The following COL14A1 variants were observed in gnomAD, a reference collection of about 807,000 sequenced individuals.
The protein encoded by COL14A1 is collagen type XIV alpha 1 chain.
COL14A1 carries 136 observed loss-of-function variants against 230.3 expected under a neutral mutation model. The ratio of observed to expected loss-of-function variants is 0.59; its 90% CI spans 0.51 to 0.68. COL14A1 has a LOEUF of 0.68. COL14A1 is among the 30% of genes least tolerant of loss of function. The pLI is 0.00. For missense variants in COL14A1, 1,976 were observed against 2,215.8 expected, an observed-to-expected ratio of 0.89 and a Z score of 2.17; for synonymous variants, 792 against 784.1, an observed-to-expected ratio of 1.01 and a Z score of -0.17.
At chr8:120,281,635 A>G (rs10110786) in intron 31 of COL14A1, among the ~76,000 whole-genome samples, 1 of 151,842 alleles carries the variant, frequency 6.6e-6, no homozygotes, top group Non-Finnish European at 1.5e-5. Context: ...GCTTATGTAC[A>G]CTAACTCACT....
At chr8:120,182,886 C>T (rs1031127304) in intron 5 of COL14A1, among the ~76,000 whole-genome samples, 2 of 151,822 alleles carry the variant, frequency 1.3e-5, no homozygotes, top group South Asian at 4.2e-4. Context: ...GACACCATGC[C>T]TGGATAATTT....
At chr8:120,131,949 C>T (rs1437712980) in intron 1 of COL14A1, among the ~76,000 whole-genome samples, 2 of 144,858 alleles carry the variant, frequency 1.4e-5, no homozygotes, top group African/African-American at 5.1e-5. Context: ...TGGGTTCAGG[C>T]GATTCTCCTG....
chr8:120,202,052 G>A (rs7013781), intron 8 of COL14A1, among the ~76,000 whole-genome samples: 86,041 of 151,960 alleles, frequency 0.57, 25,710 homozygotes, highest in African/African-American at 0.76. Flanking sequence ...GTACATTTGA[G>A]AAGCAATTGT....
intron 25 of COL14A1, among the ~76,000 whole-genome samples, chr8:120,269,187 A>G (rs758781421): frequency 1.5e-4 from 23 of 151,842 alleles, no homozygotes; most frequent in Admixed American, 3.3e-4. Flanking sequence ...AGACTATTGA[A>G]GAGCAAATTG....
At chr8:120,175,911 C>T (rs1377644710) in intron 5 of COL14A1, among the ~76,000 whole-genome samples, 2 of 152,146 alleles carry the variant, frequency 1.3e-5, no homozygotes, top group African/African-American at 2.4e-5. Flanking sequence ...TACATATATA[C>T]ACATACCTAC....
At chr8:120,213,159 T>C (rs1334243567) in intron 13 of COL14A1, among the ~76,000 whole-genome samples, 1 of 152,188 alleles carries the variant, frequency 6.6e-6, no homozygotes, top group Non-Finnish European at 1.5e-5. Context: ...AGTAAAAATT[T>C]TGTTGGTAAG....
intron 5 of COL14A1, among the ~76,000 whole-genome samples, chr8:120,175,215 A>G (rs1816241761): frequency 6.6e-6 from 1 of 152,244 alleles, no homozygotes; most frequent in African/African-American, 2.4e-5. Context: ...TGAACTCACA[A>G]ACAAAAATGG....
intron 13 of COL14A1, among the ~76,000 whole-genome samples, chr8:120,214,847 A>G (rs1026073033): frequency 3.9e-5 from 6 of 152,190 alleles, no homozygotes; most frequent in African/African-American, 1.4e-4. Context: ...ATGATCATAG[A>G]AAGCTTCACC....
chr8:120,255,659 T>C (rs1376575791), intron 23 of COL14A1, among the ~76,000 whole-genome samples: 1 of 152,208 alleles, frequency 6.6e-6, no homozygotes, highest in Non-Finnish European at 1.5e-5. Flanking sequence ...CTTTGTGCAC[T>C]GGAAGGACCC....
chr8:120,216,457 A>G lies in COL14A1; in HGVS notation c.1704A>G (p.Val568=), dbSNP rs773171173. 2.2e-5 allele frequency: 35 copies of G among 1,613,586 alleles called. No individual in the cohort carries two copies. The highest frequency in any genetic ancestry group is 2.9e-5 in the Non-Finnish European group (34 of 1,179,804). Residue 568 remains valine, a synonymous_variant, in exon 14 of 48, where the codon GTA becomes GTG. Transcript: ENST00000297848. ...TSRQINGYRI[V]YNNADGTEIN... Reference sequence around the variant, plus strand: ...GACAGATCAATGGTTATCGAATTGTATATAACAATGCAGATGGGACTGAAA... The same window carrying G: ...GACAGATCAATGGTTATCGAATTGTGTATAACAATGCAGATGGGACTGAAA...
chr8:120,182,456 C>T (rs1051748430), intron 5 of COL14A1, among the ~76,000 whole-genome samples: 11 of 152,030 alleles, frequency 7.2e-5, no homozygotes, highest in South Asian at 2.1e-4. Flanking sequence ...TTGGAGTAAC[C>T]GGGATAATTG....
intron 2 of COL14A1, among the ~76,000 whole-genome samples, chr8:120,154,649 C>A (rs1328726983): frequency 6.6e-6 from 1 of 152,104 alleles, no homozygotes; most frequent in African/African-American, 2.4e-5. Context: ...TTCCTCTGGG[C>A]TCTTGGTGTG....
At chr8:120,195,569 G>A (rs896820714) in intron 5 of COL14A1, among the ~76,000 whole-genome samples, 10 of 152,270 alleles carry the variant, frequency 6.6e-5, no homozygotes, top group East Asian at 1.9e-4. Context: ...AAAGGAAAGC[G>A]GTTTAATGGA....
At chr8:120,277,335 G>A (rs887163642) in intron 26 of COL14A1, 4 of 152,100 alleles carry the variant, frequency 2.6e-5, no homozygotes, top group Non-Finnish European at 5.9e-5. Context: ...GTCTAACTCT[G>A]ATTTTCGGAC....
chr8:120,223,279 G>A (rs1817988416), intron 14 of COL14A1, among the ~76,000 whole-genome samples: 2 of 152,194 alleles, frequency 1.3e-5, no homozygotes, highest in Non-Finnish European at 2.9e-5. Flanking sequence ...TTTTGCTAAA[G>A]GTTACTTTGC....
At chr8:120,328,095 G>A (rs16893919) in intron 40 of COL14A1, among the ~76,000 whole-genome samples, 5,128 of 152,198 alleles carry the variant, frequency 0.034, 288 homozygotes, top group African/African-American at 0.11. Context: ...TCAGTAATGT[G>A]TTAAGAAAGT....
chr8:120,156,642 A>C (rs1018530539), intron 2 of COL14A1, among the ~76,000 whole-genome samples: 3 of 152,204 alleles, frequency 2.0e-5, no homozygotes, highest in African/African-American at 7.2e-5. Context: ...GTGAGCTTTT[A>C]AGCTGAATCA....
intron 14 of COL14A1, among the ~76,000 whole-genome samples, chr8:120,223,809 C>T (rs10110806): frequency 0.65 from 98,007 of 151,862 alleles, 31,888 homozygotes; most frequent in East Asian, 0.85. Context: ...AGTATCACCA[C>T]AGTTGGGGCA....
At chr8:120,276,108 A>AAT (rs148019061) in intron 26 of COL14A1, among the ~76,000 whole-genome samples, 1,681 of 151,396 alleles carry the variant, frequency 0.011, 12 homozygotes, top group Non-Finnish European at 0.019. Context: ...GAGTAAAGAC[A>AAT]ATGTTATATA....
Sources: allele counts gnomAD v4.1 joint callset (sites outside exome capture counted in the v4.1 genomes callset), GRCh38; gene constraint gnomAD v4.1.1; transcripts MANE v1.5; gene names NCBI Gene and HGNC (gene_info 2026-07-23, HGNC 2026-07-21).